PCDHGA2: variants seen among roughly 807,000 people sequenced by gnomAD.
PCDHGA2 encodes the protein protocadherin gamma subfamily A, 2, also known as protocadherin gamma-A2.
In PCDHGA2, 40 loss-of-function variants were observed where a neutral mutation model predicts 59.2. That is an observed-to-expected ratio of 0.68 (90% CI 0.52 to 0.88). The LOEUF (loss-of-function observed/expected upper bound fraction) is 0.88. Ranked by LOEUF, PCDHGA2 falls within the 40% of genes least tolerant of loss-of-function variation. The pLI is 0.00. For missense variants in PCDHGA2, 1,226 were observed against 1,204.0 expected, an observed-to-expected ratio of 1.02 and a Z score of -0.27; for synonymous variants, 560 against 526.0, an observed-to-expected ratio of 1.06 and a Z score of -0.89.
At chr5:141,454,850 C>T (rs1208208678) in intron 1 of PCDHGA2, among the ~76,000 whole-genome samples, 3 of 132,848 alleles carry the variant, frequency 2.3e-5, no homozygotes, top group Non-Finnish European at 4.6e-5. Flanking sequence ...CTCTGTCACC[C>T]AGGCTGGAGT....
At position 141,379,889 on chromosome 5, in the gene PCDHGA2, C is replaced by CTTTTTTTTTTTTTTTTTTTTT. The variant is rs70988800; in HGVS notation, c.2424+38504_2424+38524dup. The stretch of plus-strand genomic sequence containing the variant: ...CTTATTTTATGGTCTGTGAAAGCCT[C>CTTTTTTTTTTTTTTTTTTTTT]TTTTTTTTTTTTTTTTTTTTTTTTT... On this transcript the variant is annotated intron_variant, in intron 1 of 3. Coordinates refer to ENST00000394576, the MANE Select transcript of PCDHGA2 (RefSeq NM_018915.4). Among the ~76,000 whole-genome samples, 100 of 50,832 alleles carry CTTTTTTTTTTTTTTTTTTTTT rather than the reference C, an allele frequency of 2.0e-3. 11 individuals are homozygous for CTTTTTTTTTTTTTTTTTTTTT. The highest frequency in any genetic ancestry group is 2.9e-3 in the Non-Finnish European group (74 of 25,884). 33.3% of individuals were successfully genotyped at this position (50,832 alleles called of 152,430 possible).
At chr5:141,368,561 T>G (rs1765726428) in intron 1 of PCDHGA2, among the ~76,000 whole-genome samples, 2 of 152,184 alleles carry the variant, frequency 1.3e-5, no homozygotes, top group Non-Finnish European at 2.9e-5. Context: ...AAGAAAATGT[T>G]ATATGCTTCT....
chr5:141,443,827 G>A (rs1425599112), intron 1 of PCDHGA2, among the ~76,000 whole-genome samples: 1 of 152,054 alleles, frequency 6.6e-6, no homozygotes, highest in African/African-American at 2.4e-5. Context: ...ACATAATTAG[G>A]TAAAATGGGT....
chr5:141,393,896 T>C lies in PCDHGA2; in HGVS notation c.2424+52501T>C, dbSNP rs754023896. 3.1e-6 allele frequency: 5 copies of C among 1,613,942 alleles called. No homozygotes were observed. In the East Asian group the frequency reaches 1.1e-4, roughly 36 times the overall value. On this transcript the variant is annotated intron_variant, in intron 1 of 3. Coordinates refer to ENST00000394576, the MANE Select transcript of PCDHGA2 (RefSeq NM_018915.4). Reference sequence around the variant, plus strand: ...TTAGCCCAGTGTTAGAAAATTCTCTTCCCGGGACAGTAATTGCCTTCTTGA... The same window carrying C: ...TTAGCCCAGTGTTAGAAAATTCTCTCCCCGGGACAGTAATTGCCTTCTTGA...
intron 1 of PCDHGA2, chr5:141,383,078 C>G (rs749152940): frequency 2.5e-6 from 4 of 1,613,840 alleles, no homozygotes; most frequent in South Asian, 2.2e-5. Flanking sequence ...CGGGAGCTGG[C>G]GGAGCGCGGA....
In PCDHGA2 at chr5:141,383,047, A is replaced by T. The variant is rs373552606; in HGVS notation, c.2424+41652A>T. ...AGGGTCCTTTGTGGGAGACATCGCCAAGGACCTGGGGCTGGAGCCCCGGGA... is the reference window on the plus strand; with the variant it reads ...AGGGTCCTTTGTGGGAGACATCGCCTAGGACCTGGGGCTGGAGCCCCGGGA... On this transcript the variant is annotated intron_variant, in intron 1 of 3. Coordinates refer to ENST00000394576, the MANE Select transcript of PCDHGA2 (RefSeq NM_018915.4). The T allele has an allele frequency of 1.6e-5, 26 of 1,613,752 alleles. No individual in the cohort carries two copies. The African/African-American group carries it at 2.9e-4, about 18-fold the overall frequency.
At chr5:141,457,864 C>T (rs962336979) in intron 1 of PCDHGA2, among the ~76,000 whole-genome samples, 5 of 152,166 alleles carry the variant, frequency 3.3e-5, no homozygotes, top group African/African-American at 4.8e-5. Flanking sequence ...CTTCACTGAC[C>T]ACAGGTTAGG....
At position 141,491,154 on chromosome 5, in the gene PCDHGA2, C is replaced by T. The variant is rs773308291; in HGVS notation, c.2425-3653C>T. ...CAGCCCGGGCCTTACTGGAGGATGACTCTGACACCCAGCAGGTGGTGGTCC... is the reference window on the plus strand; with the variant it reads ...CAGCCCGGGCCTTACTGGAGGATGATTCTGACACCCAGCAGGTGGTGGTCC... On this transcript the variant is annotated intron_variant, in intron 1 of 3. Coordinates refer to ENST00000394576, the MANE Select transcript of PCDHGA2 (RefSeq NM_018915.4). The surrounding 1 kb of genome is among the most constrained non-coding windows in gnomAD (Gnocchi z 6.9). The T allele has an allele frequency of 6.2e-7, 1 of 1,614,162 alleles. No homozygotes were observed. The highest frequency in any genetic ancestry group is 1.7e-5 in the Admixed American group (1 of 60,026).
chr5:141,366,553 G>A (rs1209299928), intron 1 of PCDHGA2: 1 of 1,614,252 alleles, frequency 6.2e-7, no homozygotes, highest in Non-Finnish European at 8.5e-7. Context: ...CGCACTTTGT[G>A]GGCGTGGATG....
intron 1 of PCDHGA2, among the ~76,000 whole-genome samples, chr5:141,401,414 A>G (rs539285035): frequency 1.3e-5 from 2 of 152,350 alleles, no homozygotes; most frequent in African/African-American, 4.8e-5. Flanking sequence ...AGAGAAAGAG[A>G]GAGACTGATT....
At chr5:141,467,055 CTT>C (rs1193465269) in intron 1 of PCDHGA2, among the ~76,000 whole-genome samples, 47 of 134,388 alleles carry the variant, frequency 3.5e-4, no homozygotes, top group Admixed American at 6.0e-4. Context: ...TCAATGTTTT[CTT>C]TTTTTTTTTT....
intron 1 of PCDHGA2, chr5:141,414,738 C>A: frequency 6.2e-7 from 1 of 1,614,238 alleles, no homozygotes; most frequent in Non-Finnish European, 8.5e-7. Context: ...TGTATGCACT[C>A]AGATCCTTCG....
chr5:141,450,826 A>ATTTT (rs764729742), intron 1 of PCDHGA2, among the ~76,000 whole-genome samples: 5 of 134,360 alleles, frequency 3.7e-5, no homozygotes, highest in East Asian at 2.1e-4. Flanking sequence ...TATTATTATT[A>ATTTT]TTATTTTTTT....
chr5:141,468,067 G>A (rs560511893), intron 1 of PCDHGA2, among the ~76,000 whole-genome samples: 34 of 152,032 alleles, frequency 2.2e-4, no homozygotes, highest in Non-Finnish European at 4.0e-4. Flanking sequence ...GCTCACACCT[G>A]TAATCCCAGC....
rs143562227 is a variant in PCDHGA2 at position 141,339,720 on chromosome 5, G to A, written c.749G>A (p.Ser250Asn). The change falls in exon 1 of 4, where the codon AGC becomes AAC. Residue 250 changes from serine (S) to asparagine (N), a missense_variant. Physicochemically the swap from Ser to Asn is conservative, Grantham distance 46. Coordinates refer to ENST00000394576, the MANE Select transcript of PCDHGA2 (RefSeq NM_018915.4). ...TTTACACAGCCCGAGTACCGCATAA[G>A]CATTCCGGAGAATACGCTCGTGGGC... Reference protein sequence around the residue: ...PVFTQPEYRISIPENTLVGTR... With the variant: ...PVFTQPEYRINIPENTLVGTR... 2.7e-5 allele frequency: 43 copies of A among 1,614,164 alleles called. No individual in the cohort carries two copies. The African/African-American group carries it at 4.8e-4, about 18-fold the overall frequency.
intron 1 of PCDHGA2, chr5:141,416,811 A>C (rs1355425793): frequency 2.6e-5 from 4 of 152,188 alleles, no homozygotes; most frequent in Non-Finnish European, 5.9e-5. Context: ...AAAGTCAAAA[A>C]GCATTCCGAA....
Position 141,394,702 on chromosome 5 carries a change from G to A in PCDHGA2, c.2424+53307G>A, listed in dbSNP as rs1246576971. On this transcript the variant is annotated intron_variant, in intron 1 of 3. Coordinates refer to ENST00000394576, the MANE Select transcript of PCDHGA2 (RefSeq NM_018915.4). Reference sequence around the variant, plus strand: ...CACACGGGCGAGGTGCGCACGGCGCGAGCCCTGCTGGACAGAGATGCGCTC... The same window carrying A: ...CACACGGGCGAGGTGCGCACGGCGCAAGCCCTGCTGGACAGAGATGCGCTC... 1.9e-5 allele frequency: 31 copies of A among 1,613,178 alleles called. No homozygotes were observed. Among genetic ancestry groups the A allele is most frequent in the Non-Finnish European group, 2.5e-5 (29 of 1,179,882 alleles).
At chr5:141,461,821 T>A (rs569091880) in intron 1 of PCDHGA2, among the ~76,000 whole-genome samples, 1 of 151,286 alleles carries the variant, frequency 6.6e-6, no homozygotes, top group South Asian at 2.1e-4. Context: ...ACCCAGCTAA[T>A]TTTTTTTTCT....
At position 141,388,709 on chromosome 5, in the gene PCDHGA2, C is replaced by G. The variant is rs370023698; in HGVS notation, c.2424+47314C>G. On this transcript the variant is annotated intron_variant, in intron 1 of 3. Coordinates refer to ENST00000394576, the MANE Select transcript of PCDHGA2 (RefSeq NM_018915.4). Reference sequence around the variant, plus strand: ...CGGACCAGGATGAGGGTGTCAATGCCGAGATTACTTTCTCTTTCAGTGAAG... The same window carrying G: ...CGGACCAGGATGAGGGTGTCAATGCGGAGATTACTTTCTCTTTCAGTGAAG... 1.4e-5 allele frequency: 22 copies of G among 1,613,938 alleles called. No individual in the cohort carries two copies. In the Admixed American group the frequency reaches 3.7e-4, roughly 27 times the overall value.
Sources: gnomAD v4.1 joint callset for allele counts (sites outside exome capture counted in the v4.1 genomes callset) on GRCh38, gnomAD v4.1.1 for gene constraint, Gnocchi (gnomAD v3.1) non-coding constraint, MANE v1.5 for transcripts, NCBI Gene and HGNC (gene_info 2026-07-23, HGNC 2026-07-21) for gene names.